The following C8orf34 variants were observed in gnomAD, a reference collection of about 807,000 sequenced individuals.
The protein encoded by C8orf34 is chromosome 8 open reading frame 34.
A neutral mutation model predicts 68.3 loss-of-function variants in C8orf34; 65 were observed. That is an observed-to-expected ratio of 0.95 (90% CI 0.78 to 1.17). The LOEUF is 1.17. C8orf34 is among the 50% of genes most tolerant of loss of function. C8orf34 has a pLI of 0.00. For synonymous variants in C8orf34, 244 were observed against 241.2 expected (o/e 1.01, Z -0.11); for missense variants, 664 against 655.4 (o/e 1.01, Z -0.14).
intron 1 of C8orf34, among the ~76,000 whole-genome samples, chr8:68,362,523 A>G (rs1807047910): frequency 6.6e-6 from 1 of 152,316 alleles, no homozygotes; most frequent in South Asian, 2.1e-4. Context: ...TGAAGAGAGC[A>G]GTGGTTCTCC....
chr8:68,577,427 A>G (rs1021944942), intron 7 of C8orf34, among the ~76,000 whole-genome samples: 1 of 151,982 alleles, frequency 6.6e-6, no homozygotes, highest in Non-Finnish European at 1.5e-5. Flanking sequence ...AAATCTGCAT[A>G]TTACTTTTAC....
At chr8:68,449,288 A>G (rs934910348) in intron 3 of C8orf34, among the ~76,000 whole-genome samples, 4 of 152,136 alleles carry the variant, frequency 2.6e-5, no homozygotes, top group African/African-American at 9.7e-5. Context: ...TTTTTACATA[A>G]AATTAACATA....
At chr8:68,549,962 AT>A (rs1816009944) in intron 7 of C8orf34, among the ~76,000 whole-genome samples, 1 of 151,764 alleles carries the variant, frequency 6.6e-6, no homozygotes, top group Non-Finnish European at 1.5e-5. Flanking sequence ...TTCTCTATCC[AT>A]TTAATTTAGT....
chr8:68,482,411 C>T (rs1812898703), intron 4 of C8orf34, among the ~76,000 whole-genome samples: 1 of 152,248 alleles, frequency 6.6e-6, no homozygotes, highest in African/African-American at 2.4e-5. Context: ...AAGCAATTAG[C>T]AGTCTATATA....
intron 9 of C8orf34, among the ~76,000 whole-genome samples, chr8:68,716,621 A>C (rs1313767537): frequency 6.6e-6 from 1 of 152,026 alleles, no homozygotes; most frequent in East Asian, 2.0e-4. Context: ...TTTGATTGGC[A>C]TTGATGAAGA....
At chr8:68,709,848 G>A (rs528882612) in intron 9 of C8orf34, among the ~76,000 whole-genome samples, 1 of 152,094 alleles carries the variant, frequency 6.6e-6, no homozygotes, top group East Asian at 1.9e-4. Flanking sequence ...ATAAGTACAG[G>A]TAATGCCACT....
intron 1 of C8orf34, among the ~76,000 whole-genome samples, chr8:68,393,257 C>G (rs1808546969): frequency 6.6e-6 from 1 of 152,036 alleles, no homozygotes; most frequent in Non-Finnish European, 1.5e-5. Flanking sequence ...AAAATGTTGG[C>G]TATGTTCATA....
At chr8:68,743,322 G>A (rs1245997751) in intron 10 of C8orf34, among the ~76,000 whole-genome samples, 3 of 152,104 alleles carry the variant, frequency 2.0e-5, no homozygotes, top group African/African-American at 7.2e-5. Flanking sequence ...CAACTTTGTT[G>A]AGGCATAATT....
intron 6 of C8orf34, among the ~76,000 whole-genome samples, chr8:68,527,465 G>A (rs1308527610): frequency 1.3e-5 from 2 of 152,238 alleles, no homozygotes; most frequent in African/African-American, 2.4e-5. Context: ...CCAGCTACTC[G>A]GGAGGCTGAG....
intron 7 of C8orf34, among the ~76,000 whole-genome samples, chr8:68,602,297 TA>T (rs1203610725): frequency 3.3e-5 from 5 of 152,102 alleles, no homozygotes; most frequent in Non-Finnish European, 7.4e-5. Flanking sequence ...GGGAGTGTAT[TA>T]GTCTATTCTC....
At chr8:68,332,860 G>A (rs1445633891) in intron 1 of C8orf34, among the ~76,000 whole-genome samples, 1 of 152,112 alleles carries the variant, frequency 6.6e-6, no homozygotes, top group East Asian at 1.9e-4. Flanking sequence ...AAAATTGATG[G>A]AACTACCAGA....
chr8:68,811,158 G>A (rs886862746), intron 12 of C8orf34, among the ~76,000 whole-genome samples: 3 of 152,178 alleles, frequency 2.0e-5, no homozygotes, highest in Non-Finnish European at 4.4e-5. Flanking sequence ...CGTGCTTGTC[G>A]GTGCTCAAAA....
At chr8:68,342,643 C>T (rs551734787) in intron 1 of C8orf34, among the ~76,000 whole-genome samples, 97 of 152,282 alleles carry the variant, frequency 6.4e-4, no homozygotes, top group Middle Eastern at 3.4e-3. Context: ...CTGTCCCACT[C>T]GATTTGGGTG....
intron 8 of C8orf34, among the ~76,000 whole-genome samples, chr8:68,708,719 T>G (rs559557141): frequency 1.7e-4 from 26 of 152,324 alleles, no homozygotes; most frequent in African/African-American, 6.0e-4. Flanking sequence ...TACGTGCTTC[T>G]AAACCTTTCT....
intron 10 of C8orf34, among the ~76,000 whole-genome samples, chr8:68,747,570 A>C (rs1822544504): frequency 1.3e-5 from 2 of 151,266 alleles, no homozygotes; most frequent in South Asian, 2.1e-4. Context: ...CAAAAATCAC[A>C]AGCATTCTTA....
intron 10 of C8orf34, among the ~76,000 whole-genome samples, chr8:68,742,838 T>C (rs1822342990): frequency 6.6e-6 from 1 of 152,228 alleles, no homozygotes; most frequent in Admixed American, 6.5e-5. Context: ...CTTCATTTTA[T>C]TTCATCCTTC....
At chr8:68,500,271 A>G (rs1586267431) in intron 5 of C8orf34, among the ~76,000 whole-genome samples, 2 of 152,364 alleles carry the variant, frequency 1.3e-5, no homozygotes, top group East Asian at 3.9e-4. Context: ...TCATAAGGAA[A>G]CATTGGAAAA....
intron 6 of C8orf34, among the ~76,000 whole-genome samples, chr8:68,524,086 C>T (rs973007340): frequency 5.3e-5 from 8 of 152,132 alleles, no homozygotes; most frequent in African/African-American, 1.9e-4. Flanking sequence ...TGCAGCCTTT[C>T]CTATCTCAAT....
At chr8:68,574,573 A>G (rs1037437921) in intron 7 of C8orf34, among the ~76,000 whole-genome samples, 1 of 152,066 alleles carries the variant, frequency 6.6e-6, no homozygotes, top group Non-Finnish European at 1.5e-5. Context: ...GATTATATAG[A>G]ATTAGTTAAG....
Sources: gnomAD v4.1 joint callset for allele counts (sites outside exome capture counted in the v4.1 genomes callset) on GRCh38, gnomAD v4.1.1 for gene constraint, MANE v1.5 for transcripts, NCBI Gene and HGNC (gene_info 2026-07-23, HGNC 2026-07-21) for gene names.